The following ALDH4A1 variants were observed in gnomAD, a reference collection of about 807,000 sequenced individuals.
The protein encoded by ALDH4A1 is aldehyde dehydrogenase 4 family member A1.
A neutral mutation model predicts 70.5 loss-of-function variants in ALDH4A1; 46 were observed. The ratio of observed to expected loss-of-function variants is 0.65; its 90% CI spans 0.51 to 0.83. The LOEUF (loss-of-function observed/expected upper bound fraction) is 0.83. Ranked by LOEUF, ALDH4A1 falls within the 40% of genes least tolerant of loss-of-function variation. The probability of loss-of-function intolerance (pLI) is 0.00; values close to 1 mark genes in which losing one functional copy is unlikely to be tolerated. For missense variants in ALDH4A1, 749 were observed against 766.5 expected, an observed-to-expected ratio of 0.98 and a Z score of 0.27; for synonymous variants, 323 against 324.3, an observed-to-expected ratio of 1.00 and a Z score of 0.04.
In ALDH4A1 at chr1:18,883,332, G is replaced by A. The variant is rs769633923; in HGVS notation, c.550C>T (p.Gln184Ter). 2.5e-6 allele frequency: 4 copies of A among 1,613,212 alleles called. No individual in the cohort carries two copies. Among genetic ancestry groups the A allele is most frequent in the African/African-American group, 2.7e-5 (2 of 74,948 alleles). ...GTGCTCGGGGGCACGCTGATGGGCT[G>A]CTGCCCCTCCAGCTCCACCGCATAC... ...AKYAVELEGQ[Q>*]PISVPPSTNS... Residue 184 changes from glutamine (Q) to a stop codon, truncating the protein, a stop_gained, in exon 6 of 15, where the codon CAG (glutamine) becomes TAG (stop). Transcript: ENST00000375341. LOFTEE classifies it high-confidence loss of function.
At chr1:18,884,717 A>G (rs1016424358) in intron 5 of ALDH4A1, among the ~76,000 whole-genome samples, 2 of 152,222 alleles carry the variant, frequency 1.3e-5, no homozygotes, top group Non-Finnish European at 2.9e-5. Context: ...CTCCAGTGCA[A>G]TCTGAGCTGT....
intron 5 of ALDH4A1, 42 bp downstream of exon 5, chr1:18,885,431 A>ACCCCACCCCC: frequency 2.3e-5 from 11 of 478,978 alleles, no homozygotes; most frequent in Admixed American, 1.1e-4. Context: ...CCTGACTCCC[A>ACCCCACCCCC]CCCCACCCCG....
chr1:18,895,798 T>C (rs927089098), intron 1 of ALDH4A1, among the ~76,000 whole-genome samples: 3 of 152,190 alleles, frequency 2.0e-5, no homozygotes. Flanking sequence ...ACTAGTCACT[T>C]CAACCTGGAC....
At chr1:18,881,944 C>T in intron 7 of ALDH4A1, 57 bp from the exon 8 acceptor site, 2 of 1,505,422 alleles carry the variant, frequency 1.3e-6, no homozygotes, top group Non-Finnish European at 1.8e-6. Flanking sequence ...CCCCAACCCC[C>T]ACCCCACCCT....
At chr1:18,893,627 C>A (rs1935519843) in intron 1 of ALDH4A1, among the ~76,000 whole-genome samples, 2 of 152,106 alleles carry the variant, frequency 1.3e-5, no homozygotes, top group African/African-American at 4.8e-5. Context: ...CTCAGCCTCC[C>A]AAGTAGCTGG....
chr1:18,895,657 T>C (rs1935592580), intron 1 of ALDH4A1, among the ~76,000 whole-genome samples: 15 of 152,226 alleles, frequency 9.9e-5, no homozygotes, highest in Admixed American at 9.8e-4. Flanking sequence ...TTTCACCTTC[T>C]GCACCAGGAG....
chr1:18,883,874 C>T (rs916356132), intron 5 of ALDH4A1, among the ~76,000 whole-genome samples: 1 of 152,198 alleles, frequency 6.6e-6, no homozygotes, highest in African/African-American at 2.4e-5. Flanking sequence ...AGGTGGATGG[C>T]TCCTTCCCCA....
intron 1 of ALDH4A1, among the ~76,000 whole-genome samples, chr1:18,893,292 GA>G (rs1283045989): frequency 6.6e-6 from 1 of 152,132 alleles, no homozygotes; most frequent in Non-Finnish European, 1.5e-5. Context: ...ACCGAAAAGA[GA>G]AAAATAGCTC....
At chr1:18,900,008 T>C (rs888627210) in intron 1 of ALDH4A1, among the ~76,000 whole-genome samples, 2 of 152,210 alleles carry the variant, frequency 1.3e-5, no homozygotes, top group Non-Finnish European at 2.9e-5. Flanking sequence ...TGAGGTTTTT[T>C]TTAAAAGCAT....
At chr1:18,877,009 G>A (rs186347583) in intron 11 of ALDH4A1, among the ~76,000 whole-genome samples, 199 bp downstream of exon 11, 3 of 152,166 alleles carry the variant, frequency 2.0e-5, no homozygotes, top group Non-Finnish European at 2.9e-5. Context: ...CAGGGTGGCC[G>A]CAAGATGAGC....
chr1:18,887,027 G>T (rs575028069), intron 3 of ALDH4A1, among the ~76,000 whole-genome samples: 1 of 152,330 alleles, frequency 6.6e-6, no homozygotes, highest in South Asian at 2.1e-4. Flanking sequence ...CCAAAAGAAT[G>T]CACCGGTGTT....
In ALDH4A1 at chr1:18,872,735, A is replaced by G; in HGVS notation, c.*110T>C. 1.2e-6 allele frequency: 1 copy of G among 800,190 alleles called. No individual in the cohort carries two copies. Among genetic ancestry groups the G allele is most frequent in the South Asian group, 1.6e-5 (1 of 64,196 alleles). 49.6% of individuals were successfully genotyped at this position (800,190 alleles called of 1,614,324 possible). A position where few individuals can be genotyped will look rare whatever the true frequency, so the allele number is the denominator to read the frequency against. On this transcript the variant is annotated 3_prime_UTR_variant, in exon 15 of 15. Transcript: ENST00000375341. ...AAGAAGGGAGTCAAGCCCGGATTAT[A>G]GAAAGGCAGCTGTGCATGAAGAAGG...
In ALDH4A1 at chr1:18,883,543, G is replaced by A. The variant is rs555419543; in HGVS notation, c.454-115C>T. On this transcript the variant is annotated intron_variant, in intron 5 of 14. Coordinates refer to ENST00000375341, the MANE Select transcript of ALDH4A1 (RefSeq NM_003748.4). ...TGAGCCGGGCCCCAGGAGGGACCAG[G>A]AAACATTTGGAGGGCTCACCAGGTC... 78 of 1,447,954 alleles carry A rather than the reference G, an allele frequency of 5.4e-5. No homozygotes were observed. In the Middle Eastern group the frequency reaches 5.9e-4, roughly 11 times the overall value. The allele number at this position is 1,447,954 out of a possible 1,614,324, so 89.7% of individuals were successfully genotyped here. A position where few individuals can be genotyped will look rare whatever the true frequency, so the allele number is the denominator to read the frequency against.
At position 18,885,511 on chromosome 1, in the gene ALDH4A1, G is replaced by GCGGCCCA; in HGVS notation, c.408_414dup (p.Arg139TrpfsTer6). ...GTCTTGGCGAGGATCTCAGCCCTGC[G>GCGGCCCA]CGGCCCACTCAGCATGTCTGCCGCC... On this transcript the variant is annotated frameshift_variant, in exon 5 of 15. Transcript: ENST00000375341. LOFTEE classifies it high-confidence loss of function. 1.3e-6 allele frequency: 2 copies of GCGGCCCA among 1,501,158 alleles called. No individual in the cohort carries two copies. The highest frequency in any genetic ancestry group is 2.3e-5 in the South Asian group (2 of 86,986). 93.0% of individuals were successfully genotyped at this position (1,501,158 alleles called of 1,614,324 possible).
intron 3 of ALDH4A1, among the ~76,000 whole-genome samples, chr1:18,887,876 G>A (rs1451564999): frequency 6.6e-6 from 1 of 152,212 alleles, no homozygotes; most frequent in Non-Finnish European, 1.5e-5. Context: ...CTCTCTGTGT[G>A]TGTGTCTTTC....
chr1:18,879,386 G>C lies in ALDH4A1; in HGVS notation c.867-13C>G. On this transcript the variant is annotated splice_polypyrimidine_tract_variant and intron_variant, in intron 8 of 14. Transcript: ENST00000375341. ...GTGTTTGAAGGTGCTGGAACCACAG[G>C]AGAAAGGGTGGGGTTCAGGGAGCCA... 1 of 1,607,870 alleles carries C rather than the reference G, an allele frequency of 6.2e-7. No individual in the cohort carries two copies. The highest frequency in any genetic ancestry group is 1.7e-5 in the Admixed American group (1 of 59,196).
intron 5 of ALDH4A1, 29 bp from the exon 6 acceptor site, chr1:18,883,457 G>A (rs375218189): frequency 8.1e-6 from 13 of 1,612,164 alleles, no homozygotes; most frequent in African/African-American, 1.3e-5. Context: ...GGGGTCAGGA[G>A]CAGCCAACAG....
At chr1:18,882,703 A>G in intron 7 of ALDH4A1, 1 of 556,266 alleles carries the variant, frequency 1.8e-6, no homozygotes. Context: ...GATCATCTCC[A>G]TGCCGTGCTT....
chr1:18,880,035 G>A lies in ALDH4A1; in HGVS notation c.867-662C>T, dbSNP rs1264949417. 7.2e-6 allele frequency among the ~76,000 whole-genome samples: 1 copy of A among 138,118 alleles called. No individual in the cohort carries two copies. The highest frequency in any genetic ancestry group is 1.6e-5 in the Non-Finnish European group (1 of 64,166). 90.6% of individuals were successfully genotyped at this position (138,118 alleles called of 152,430 possible). A position where few individuals can be genotyped will look rare whatever the true frequency, so the allele number is the denominator to read the frequency against. On this transcript the variant is annotated intron_variant, in intron 8 of 14. Transcript: ENST00000375341. The surrounding 1 kb of genome is among the most constrained non-coding windows in gnomAD (Gnocchi z 5.1). Reference sequence around the variant, plus strand: ...CCACCTTTAAGCCCGCTGCTCATCAGAGCGTGGAGAATGGGGTCCAGGCCC... The same window carrying A: ...CCACCTTTAAGCCCGCTGCTCATCAAAGCGTGGAGAATGGGGTCCAGGCCC...
Sources: gnomAD v4.1 joint callset for allele counts (sites outside exome capture counted in the v4.1 genomes callset) on GRCh38, gnomAD v4.1.1 for gene constraint, Gnocchi (gnomAD v3.1) non-coding constraint, MANE v1.5 for transcripts, NCBI Gene and HGNC (gene_info 2026-07-23, HGNC 2026-07-21) for gene names.